The following GRIP1 variants were observed in gnomAD, a reference collection of about 807,000 sequenced individuals.
The protein encoded by GRIP1 is glutamate receptor-interacting protein 1.
GRIP1 carries 45 observed loss-of-function variants against 129.9 expected under a neutral mutation model. The ratio of observed to expected loss-of-function variants is 0.35; its 90% CI spans 0.27 to 0.44. The LOEUF is 0.44. Among genes scored for constraint, GRIP1 ranks in the 20% least tolerant of loss-of-function variants. The probability of loss-of-function intolerance (pLI) is 1.00; values close to 1 mark genes in which losing one functional copy is unlikely to be tolerated. For synonymous variants in GRIP1, 530 were observed against 520.8 expected (o/e 1.02, Z -0.24); for missense variants, 1,196 against 1,396.8 (o/e 0.86, Z 2.29).
Position 66,379,274 on chromosome 12 carries a change from C to T in GRIP1, c.2621+6G>A. 1.2e-6 allele frequency: 2 copies of T among 1,613,544 alleles called. No individual in the cohort carries two copies. Among genetic ancestry groups the T allele is most frequent in the Non-Finnish European group, 1.7e-6 (2 of 1,179,772 alleles). On this transcript the variant is annotated splice_donor_region_variant and intron_variant, in intron 20 of 24. Transcript: ENST00000359742. ...TGGATGAGGCAGCATTGGTTGAAAA[C>T]CTTACCCACTGGCTGTGGACCGGTC...
chr12:66,584,112 C>A (rs370476739), intron 2 of GRIP1, among the ~76,000 whole-genome samples: 2 of 149,978 alleles, frequency 1.3e-5, no homozygotes, highest in African/African-American at 4.9e-5. Context: ...TTTGTAGGGA[C>A]ATGGATGAAA....
At chr12:66,465,520 T>C in intron 7 of GRIP1, 98 bp from the exon 8 acceptor site, 1 of 1,049,318 alleles carries the variant, frequency 9.5e-7, no homozygotes, top group South Asian at 1.4e-5. Flanking sequence ...TGTTAGCCTG[T>C]TAATTTTATC....
At chr12:66,957,680 G>A (rs1385150153) in intron 1 of GRIP1, among the ~76,000 whole-genome samples, 1 of 152,072 alleles carries the variant, frequency 6.6e-6, no homozygotes, top group Non-Finnish European at 1.5e-5. Context: ...GACCACAGAG[G>A]GAAAGTGCCA....
intron 1 of GRIP1, among the ~76,000 whole-genome samples, chr12:66,831,746 G>A (rs2039522671): frequency 6.6e-6 from 1 of 152,118 alleles, no homozygotes; most frequent in Non-Finnish European, 1.5e-5. Flanking sequence ...TTTGGGACGA[G>A]CACGGTACAA....
chr12:66,925,897 G>A (rs966669821), intron 1 of GRIP1, among the ~76,000 whole-genome samples: 1 of 152,112 alleles, frequency 6.6e-6, no homozygotes, highest in African/African-American at 2.4e-5. Flanking sequence ...ACCCACCCCG[G>A]CCTTCCAAAG....
chr12:66,907,768 A>C (rs1566073877), intron 1 of GRIP1, among the ~76,000 whole-genome samples: 1 of 152,228 alleles, frequency 6.6e-6, no homozygotes, highest in African/African-American at 2.4e-5. Flanking sequence ...CAACAAAGAA[A>C]GGGGAGAAAA....
chr12:66,461,488 C>A (rs940438809), intron 9 of GRIP1, among the ~76,000 whole-genome samples: 5 of 152,200 alleles, frequency 3.3e-5, no homozygotes, highest in African/African-American at 1.2e-4. Flanking sequence ...GAATGGTGTG[C>A]ATCCTTGTGA....
intron 1 of GRIP1, among the ~76,000 whole-genome samples, chr12:66,945,669 C>A (rs1328547776): frequency 6.6e-6 from 1 of 152,124 alleles, no homozygotes; most frequent in Non-Finnish European, 1.5e-5. Flanking sequence ...GCCCCCATGA[C>A]CCACACACCT....
chr12:66,473,652 C>T (rs1187296095), intron 7 of GRIP1, among the ~76,000 whole-genome samples: 1 of 152,226 alleles, frequency 6.6e-6, no homozygotes, highest in Non-Finnish European at 1.5e-5. Flanking sequence ...GCAATCTTTG[C>T]TGTCCCACAG....
At chr12:66,481,785 C>G (rs2059813618) in intron 7 of GRIP1, among the ~76,000 whole-genome samples, 1 of 152,130 alleles carries the variant, frequency 6.6e-6, no homozygotes, top group Non-Finnish European at 1.5e-5. Flanking sequence ...AGGATGAGTT[C>G]ATGTCCTTTG....
intron 2 of GRIP1, among the ~76,000 whole-genome samples, chr12:66,559,954 C>T (rs1363856999): frequency 6.6e-6 from 1 of 152,094 alleles, no homozygotes; most frequent in Non-Finnish European, 1.5e-5. Context: ...CTGCATGGTA[C>T]TGGCATAAAA....
At chr12:66,374,785 C>T (rs763716344) in intron 22 of GRIP1, among the ~76,000 whole-genome samples, 3 of 151,970 alleles carry the variant, frequency 2.0e-5, no homozygotes, top group Non-Finnish European at 4.4e-5. Flanking sequence ...TTCTTTGGTT[C>T]GCATTTTCAG....
intron 1 of GRIP1, among the ~76,000 whole-genome samples, chr12:67,029,786 A>C (rs1056192903): frequency 1.3e-5 from 2 of 152,100 alleles, no homozygotes; most frequent in Admixed American, 6.6e-5. Flanking sequence ...TGCAGGCAAT[A>C]TCTAGCAATG....
chr12:66,433,846 G>A (rs7487886), intron 13 of GRIP1, among the ~76,000 whole-genome samples: 139,811 of 152,174 alleles, frequency 0.92, 65,073 homozygotes, highest in Non-Finnish European at 1. Context: ...GGCCGGCTTG[G>A]TCAGCTTGAC....
chr12:66,479,042 T>TA (rs1027854952), intron 7 of GRIP1, among the ~76,000 whole-genome samples: 32 of 143,810 alleles, frequency 2.2e-4, no homozygotes, highest in African/African-American at 8.2e-4. Context: ...AAATATATAT[T>TA]AAAAAAAGAA....
At position 66,855,063 on chromosome 12, in the gene GRIP1, G is replaced by A. The variant is rs113555481; in HGVS notation, c.58+213987C>T. On this transcript the variant is annotated intron_variant, in intron 1 of 1. Coordinates refer to the GRIP1 transcript ENST00000643019. ...TTTATTTATTTATTTATTTATTGGC[G>A]TGTGTGAGGAGTGGGGAGCTGTCTA... Among the ~76,000 whole-genome samples, 530 of 151,614 alleles carry A rather than the reference G, an allele frequency of 3.5e-3. 5 individuals are homozygous for A. The highest frequency in any genetic ancestry group is 0.011 in the South Asian group (54 of 4,796).
At chr12:66,577,388 T>C (rs2063176705) in intron 2 of GRIP1, among the ~76,000 whole-genome samples, 1 of 152,184 alleles carries the variant, frequency 6.6e-6, no homozygotes, top group Non-Finnish European at 1.5e-5. Context: ...GATGTGGAGT[T>C]TCCAATAGTG....
intron 1 of GRIP1, among the ~76,000 whole-genome samples, chr12:67,060,372 A>C (rs1246750843): frequency 6.6e-6 from 1 of 152,198 alleles, no homozygotes; most frequent in Non-Finnish European, 1.5e-5. Flanking sequence ...AATCATATGA[A>C]ATCAATGTTG....
In GRIP1 at chr12:66,678,892, A is replaced by C. The variant is rs1268456459; in HGVS notation, c.13T>G (p.Ser5Ala). The C allele has an allele frequency of 1.9e-6, 3 of 1,613,480 alleles. No individual in the cohort carries two copies. Among genetic ancestry groups the C allele is most frequent in the Non-Finnish European group, 2.5e-6 (3 of 1,179,610 alleles). Residue 5 changes from serine (S) to alanine (A), a missense_variant, in exon 1 of 25, where the codon TCT becomes GCT. Around this residue, in one of 5 missense-constraint regions of GRIP1, gnomAD observed 217 missense variants for 224.8 expected, o/e 0.97. Transcript: ENST00000359742. ...AGAATTTGACAACGGCATTTAAAAG[A>C]GACAGCTATCATTCTTGCTCACTGC... Reference protein sequence around the residue: MIAVSFKCRCQILRR... With the variant: MIAVAFKCRCQILRR...
Sources: gnomAD v4.1 joint callset for allele counts (sites outside exome capture counted in the v4.1 genomes callset) on GRCh38, gnomAD v4.1.1 for gene constraint, gnomAD v4.1.1 regional missense constraint, MANE v1.5 for transcripts, NCBI Gene and HGNC (gene_info 2026-07-23, HGNC 2026-07-21) for gene names.